The following FLRT1 variants were observed in gnomAD, a reference collection of about 807,000 sequenced individuals.
FLRT1 encodes leucine-rich repeat transmembrane protein FLRT1.
Under a neutral mutation model 30.9 loss-of-function variants are expected in FLRT1, and 14 were observed. The observed-to-expected ratio is 0.45, with a 90% confidence interval of 0.30 to 0.71. The LOEUF is 0.71. Among genes scored for constraint, FLRT1 ranks in the 30% least tolerant of loss-of-function variants. The probability of loss-of-function intolerance (pLI) is 0.08; values close to 1 mark genes in which losing one functional copy is unlikely to be tolerated. For missense variants in FLRT1, 737 were observed against 949.2 expected (o/e 0.78, Z 2.94); for synonymous variants, 368 against 430.4 (o/e 0.85, Z 1.80).
At chr11:64,047,559 G>A (rs562182768) in intron 1 of FLRT1, among the ~76,000 whole-genome samples, 6 of 152,244 alleles carry the variant, frequency 3.9e-5, no homozygotes, top group African/African-American at 1.4e-4. Context: ...TGGCCCAGAT[G>A]TACTTAGAGG....
chr11:64,106,626 T>G (rs1270955497), intron 2 of FLRT1, among the ~76,000 whole-genome samples: 2 of 152,208 alleles, frequency 1.3e-5, no homozygotes, highest in Non-Finnish European at 2.9e-5. Context: ...AAGCCTCTGA[T>G]CTAGGATCAG....
intron 1 of FLRT1, among the ~76,000 whole-genome samples, chr11:64,054,454 T>C (rs897040299): frequency 3.9e-5 from 6 of 152,082 alleles, no homozygotes; most frequent in African/African-American, 1.4e-4. Flanking sequence ...CCAGTAAATA[T>C]CAACAAAGTG....
chr11:64,104,668 GA>G (rs1944727311), intron 2 of FLRT1, among the ~76,000 whole-genome samples: 1 of 152,186 alleles, frequency 6.6e-6, no homozygotes, highest in Non-Finnish European at 1.5e-5. Context: ...CTGGCCAGGG[GA>G]CCCAGGGTGG....
intron 1 of FLRT1, among the ~76,000 whole-genome samples, chr11:64,070,205 G>A (rs1350927726): frequency 6.6e-6 from 1 of 152,162 alleles, no homozygotes; most frequent in African/African-American, 2.4e-5. Flanking sequence ...AGAGATGTGA[G>A]GTGAATCCCT....
chr11:64,042,798 T>C (rs1943513337), intron 1 of FLRT1, among the ~76,000 whole-genome samples: 1 of 152,168 alleles, frequency 6.6e-6, no homozygotes, highest in Admixed American at 6.5e-5. Context: ...AGCAGCACCA[T>C]GGCTCTGAGC....
At chr11:64,086,494 C>T (rs1292544302) in intron 1 of FLRT1, among the ~76,000 whole-genome samples, 1 of 151,666 alleles carries the variant, frequency 6.6e-6, no homozygotes, top group Non-Finnish European at 1.5e-5. Flanking sequence ...CCAGGCCCTT[C>T]CCTGAGGTCC....
Position 64,118,194 on chromosome 11 carries a change from G to A in FLRT1, c.1927G>A (p.Gly643Ser), listed in dbSNP as rs746183688. ...YVVHTIFPSN[G>S]SSLCKATHTI... ...GGTCCACACTATCTTCCCCTCCAAC[G>A]GCAGCAGCCTCTGCAAGGCCACACA... Residue 643 changes from glycine to serine, a missense_variant, in exon 3 of 3, where the codon GGC becomes AGC. Coordinates refer to ENST00000682287, the MANE Select transcript of FLRT1 (RefSeq NM_013280.5). The A allele has an allele frequency of 6.2e-6, 10 of 1,613,106 alleles. No homozygotes were observed. Among genetic ancestry groups the A allele is most frequent in the South Asian group, 4.4e-5 (4 of 91,084 alleles).
intron 1 of FLRT1, among the ~76,000 whole-genome samples, chr11:64,065,336 T>C (rs1325245185): frequency 2.0e-5 from 3 of 152,162 alleles, no homozygotes; most frequent in African/African-American, 7.2e-5. Context: ...GGCTTTGTTC[T>C]GAGGGCGGCT....
intron 1 of FLRT1, among the ~76,000 whole-genome samples, chr11:64,083,379 T>C (rs1014154625): frequency 2.6e-5 from 4 of 152,266 alleles, no homozygotes; most frequent in East Asian, 1.9e-4. Flanking sequence ...GAGATTGCCA[T>C]GAGCTGAGAT....
intron 1 of FLRT1, among the ~76,000 whole-genome samples, chr11:64,072,808 C>G (rs1944133592): frequency 1.3e-5 from 2 of 152,210 alleles, no homozygotes; most frequent in South Asian, 4.1e-4. Flanking sequence ...CTCCACCCTG[C>G]ATGTGGCTCA....
chr11:64,063,779 C>A (rs996287400), intron 1 of FLRT1, among the ~76,000 whole-genome samples: 1 of 152,200 alleles, frequency 6.6e-6, no homozygotes. Flanking sequence ...AGCAATCATG[C>A]CTAATAAAGG....
At chr11:64,049,857 C>T (rs566213237) in intron 1 of FLRT1, among the ~76,000 whole-genome samples, 1 of 152,324 alleles carries the variant, frequency 6.6e-6, no homozygotes, top group East Asian at 1.9e-4. Flanking sequence ...AGCTGTGATC[C>T]ACCCCACCAT....
At position 64,078,006 on chromosome 11, in the gene FLRT1, C is replaced by T. The variant is rs116803328; in HGVS notation, c.-1037-25188C>T. On this transcript the variant is annotated intron_variant, in intron 1 of 2. Transcript: ENST00000682287. ...CCTCCTCCTCAGCGGGGGTCCCAGA[C>T]GCTCTCCCCGTGCCCAAGGCCCAGG... 9.0e-3 allele frequency among the ~76,000 whole-genome samples: 1,375 copies of T among 152,324 alleles called. 24 individuals are homozygous for T. Among genetic ancestry groups the T allele is most frequent in the African/African-American group, 0.031 (1,275 of 41,586 alleles).
chr11:64,102,592 G>A (rs941275588), intron 1 of FLRT1, among the ~76,000 whole-genome samples: 3 of 152,218 alleles, frequency 2.0e-5, no homozygotes, highest in African/African-American at 7.2e-5. Context: ...GCCCTGCACG[G>A]CCAGGAGCTC....
chr11:64,086,484 C>G (rs887428275), intron 1 of FLRT1, among the ~76,000 whole-genome samples: 3 of 151,746 alleles, frequency 2.0e-5, no homozygotes, highest in African/African-American at 7.3e-5. Flanking sequence ...AGGAGGAAGT[C>G]CAGGCCCTTC....
chr11:64,049,000 A>ACTGGGGTGCCGGCTGCCTCCTGCC (rs61691615), intron 1 of FLRT1, among the ~76,000 whole-genome samples: 20,909 of 151,900 alleles, frequency 0.14, 2,347 homozygotes, highest in East Asian at 0.42. Flanking sequence ...AGAGAGACAG[A>ACTGGGGTGCCGGCTGCCTCCTGCC]CTGGGGTGCC....
rs1945041750 is a variant in FLRT1, at chr11:64,118,621, A to C, written c.*329A>C. 3.8e-6 allele frequency: 1 copy of C among 261,272 alleles called. No individual in the cohort carries two copies. The highest frequency in any genetic ancestry group is 7.9e-6 in the Non-Finnish European group (1 of 126,786). The allele number at this position is 261,272 out of a possible 1,614,324, so 16.2% of individuals were successfully genotyped here. ...TTTTTTTTTTTCCCCCCTGAACTGGAAGGATACTACCTGTACAACATCTGT... is the reference window on the plus strand; with the variant it reads ...TTTTTTTTTTTCCCCCCTGAACTGGCAGGATACTACCTGTACAACATCTGT... On this transcript the variant is annotated 3_prime_UTR_variant, in exon 3 of 3. Transcript: ENST00000682287.
At chr11:64,058,414 C>T (rs1943832811) in intron 1 of FLRT1, among the ~76,000 whole-genome samples, 1 of 152,078 alleles carries the variant, frequency 6.6e-6, no homozygotes, top group Non-Finnish European at 1.5e-5. Context: ...GGGGGGGGGT[C>T]CTCCCCTGTA....
chr11:64,116,723 G>A lies in FLRT1; in HGVS notation c.456G>A (p.Leu152=), dbSNP rs776173315. 5 of 1,613,708 alleles carry A rather than the reference G, an allele frequency of 3.1e-6. No individual in the cohort carries two copies. In the East Asian group the frequency reaches 1.1e-4, roughly 36 times the overall value. ...IARDSLARIP[L]LEKLHLDDNS... ...GGGACTCGCTGGCCCGCATCCCGCT[G>A]CTGGAGAAGCTGCACCTGGATGACA... The change falls in exon 3 of 3, where the codon CTG becomes CTA. Residue 152 remains leucine (L), a synonymous_variant. Transcript: ENST00000682287.
Sources: allele counts gnomAD v4.1 joint callset (sites outside exome capture counted in the v4.1 genomes callset), GRCh38; gene constraint gnomAD v4.1.1; transcripts MANE v1.5; gene names NCBI Gene and HGNC (gene_info 2026-07-23, HGNC 2026-07-21).